Variants in ATP10B observed in about 807,000 individuals in gnomAD.
ATP10B encodes ATPase phospholipid transporting 10B (putative).
Under a neutral mutation model 141.2 loss-of-function variants are expected in ATP10B, and 122 were observed. The ratio of observed to expected loss-of-function variants is 0.86; its 90% CI spans 0.75 to 1.00. ATP10B has a LOEUF of 1.00. Ranked by LOEUF, ATP10B falls within the 50% of genes least tolerant of loss-of-function variation. ATP10B has a pLI of 0.00. For missense variants in ATP10B, 1,876 were observed against 1,825.3 expected (o/e 1.03, Z -0.51); for synonymous variants, 685 against 692.0 (o/e 0.99, Z 0.16).
intron 24 of ATP10B, among the ~76,000 whole-genome samples, chr5:160,577,648 G>A (rs1755280831): frequency 2.0e-5 from 3 of 152,120 alleles, no homozygotes; most frequent in South Asian, 2.1e-4. Flanking sequence ...TTGAGCAAAA[G>A]GTATTTAGAA....
At chr5:160,887,665 A>G in the ATP10B span, among the ~76,000 whole-genome samples, 1 of 151,690 alleles carries the variant, frequency 6.6e-6, no homozygotes. Flanking sequence ...AGCTACGTTG[A>G]CCTCCTGACT....
chr5:160,847,478 G>T (rs1412530766), intron 1 of ATP10B, among the ~76,000 whole-genome samples: 2 of 152,122 alleles, frequency 1.3e-5, no homozygotes, highest in African/African-American at 2.4e-5. Context: ...CCAAACCTCA[G>T]TTAGAACTGT....
At chr5:160,822,249 G>A (rs943211400) in intron 1 of ATP10B, among the ~76,000 whole-genome samples, 15 of 151,970 alleles carry the variant, frequency 9.9e-5, no homozygotes, top group Non-Finnish European at 1.9e-4. Flanking sequence ...ATGGCAAACA[G>A]GTATATGAAA....
chr5:160,698,962 G>C (rs896808901), intron 3 of ATP10B, among the ~76,000 whole-genome samples: 3 of 152,182 alleles, frequency 2.0e-5, no homozygotes, highest in African/African-American at 7.2e-5. Flanking sequence ...AGAAGTTCTG[G>C]GGATGGGGGT....
intron 2 of ATP10B, among the ~76,000 whole-genome samples, chr5:160,775,557 T>C (rs1262865753): frequency 6.6e-6 from 1 of 152,166 alleles, no homozygotes. Context: ...TCAAGTCAGC[T>C]TGACTCCTTT....
intron 1 of ATP10B, among the ~76,000 whole-genome samples, chr5:160,807,766 T>C (rs1262095291): frequency 2.0e-5 from 3 of 152,236 alleles, no homozygotes; most frequent in African/African-American, 7.2e-5. Flanking sequence ...TGTGATAATG[T>C]TGAATTTAAT....
chr5:160,626,412 A>C (rs1462700376), intron 13 of ATP10B, among the ~76,000 whole-genome samples: 1 of 152,212 alleles, frequency 6.6e-6, no homozygotes, highest in Non-Finnish European at 1.5e-5. Context: ...GTGCGCTCAC[A>C]TCCATTATCT....
At chr5:160,809,472 A>G (rs937219874) in intron 1 of ATP10B, among the ~76,000 whole-genome samples, 1 of 152,262 alleles carries the variant, frequency 6.6e-6, no homozygotes, top group Non-Finnish European at 1.5e-5. Flanking sequence ...CATATGCAAT[A>G]CATATGGTGA....
At chr5:160,773,103 G>C (rs140209109) in intron 2 of ATP10B, among the ~76,000 whole-genome samples, 76 of 152,224 alleles carry the variant, frequency 5.0e-4, no homozygotes, top group African/African-American at 1.8e-3. Context: ...TGTGACCTTC[G>C]GGTTACTTAG....
Position 160,598,750 on chromosome 5 carries a change from T to C in ATP10B, c.3564+20A>G. On this transcript the variant is annotated intron_variant, in intron 22 of 25. Transcript: ENST00000327245. ...GTAAGAAGCTGAAGTCACCTCCCTT[T>C]GGCTGCCCGATCTCCTTACCTCAGA... The C allele has an allele frequency of 6.2e-7, 1 of 1,613,150 alleles. No homozygotes were observed. The highest frequency in any genetic ancestry group is 2.2e-5 in the East Asian group (1 of 44,852).
At chr5:160,654,894 T>C (rs1761375309) in intron 7 of ATP10B, among the ~76,000 whole-genome samples, 2 of 152,192 alleles carry the variant, frequency 1.3e-5, no homozygotes, top group South Asian at 4.1e-4. Context: ...GAATTGAGGC[T>C]TAGGGAAAAT....
chr5:160,655,109 TA>T (rs1352775354), intron 7 of ATP10B, among the ~76,000 whole-genome samples: 1 of 152,170 alleles, frequency 6.6e-6, no homozygotes, highest in Non-Finnish European at 1.5e-5. Context: ...AATGAATGAA[TA>T]CATTCTCTAA....
the ATP10B span, among the ~76,000 whole-genome samples, chr5:160,861,882 T>C: frequency 1.3e-5 from 2 of 151,978 alleles, no homozygotes; most frequent in Non-Finnish European, 2.9e-5. Context: ...ATATATCTAT[T>C]ACATCTTAAC....
the ATP10B span, among the ~76,000 whole-genome samples, chr5:160,927,820 G>A: frequency 3.3e-5 from 5 of 152,222 alleles, no homozygotes; most frequent in Non-Finnish European, 5.9e-5. Context: ...ATTGTGATAG[G>A]CATTATGAAA....
At chr5:160,729,163 T>A (rs1247750900) in intron 2 of ATP10B, among the ~76,000 whole-genome samples, 2 of 151,814 alleles carry the variant, frequency 1.3e-5, no homozygotes, top group Non-Finnish European at 2.9e-5. Context: ...TGGGATTTCA[T>A]AATCTGACAG....
At chr5:160,822,609 C>G (rs372252243) in intron 1 of ATP10B, among the ~76,000 whole-genome samples, 2 of 151,946 alleles carry the variant, frequency 1.3e-5, no homozygotes, top group Non-Finnish European at 2.9e-5. Context: ...GGGAAGCCAC[C>G]TAAGTATCTA....
At chr5:160,886,492 A>C in the ATP10B span, among the ~76,000 whole-genome samples, 1 of 152,166 alleles carries the variant, frequency 6.6e-6, no homozygotes, top group Non-Finnish European at 1.5e-5. Flanking sequence ...CAGGGAAATA[A>C]TCAAGAAGTT....
chr5:160,608,692 A>AT (rs1437001559), intron 18 of ATP10B, among the ~76,000 whole-genome samples: 3 of 152,076 alleles, frequency 2.0e-5, no homozygotes, highest in Non-Finnish European at 2.9e-5. Context: ...GATGATGAGC[A>AT]TTTTTTCATG....
At chr5:160,681,637 CA>C (rs1283398935) in intron 6 of ATP10B, among the ~76,000 whole-genome samples, 1 of 151,966 alleles carries the variant, frequency 6.6e-6, no homozygotes. Flanking sequence ...AAAGCATCAA[CA>C]AAAAAAGAAA....
Sources: allele counts gnomAD v4.1 joint callset (sites outside exome capture counted in the v4.1 genomes callset), GRCh38; gene constraint gnomAD v4.1.1; transcripts MANE v1.5; gene names NCBI Gene and HGNC (gene_info 2026-07-23, HGNC 2026-07-21).